The following GPR155 variants were observed in gnomAD, a reference collection of about 807,000 sequenced individuals.
GPR155 encodes G protein-coupled receptor 155.
In GPR155, 65 loss-of-function variants were observed where a neutral mutation model predicts 93.1. That is an observed-to-expected ratio of 0.70 (90% CI 0.57 to 0.86). The LOEUF is 0.86. GPR155 is among the 40% of genes least tolerant of loss of function. The pLI is 0.00. For missense variants in GPR155, 838 were observed against 1,034.8 expected (o/e 0.81, Z 2.61); for synonymous variants, 319 against 360.1 (o/e 0.89, Z 1.29).
Position 174,466,552 on chromosome 2 carries a change from T to C in GPR155, c.1258A>G (p.Ile420Val). ...TCAGTAGTTTTACTAACCTGAGCAA[T>C]GAGTAAATTAGTTGTAAGCATATGA... Reference protein sequence around the residue: ...LPHMLTTNLLIAQSIVCAGMM... With the variant: ...LPHMLTTNLLVAQSIVCAGMM... Residue 420 changes from isoleucine (I) to valine (V), a missense_variant, in exon 6 of 16, where the codon ATT (isoleucine) becomes GTT (valine). Around this residue, in one of 3 missense-constraint regions of GPR155, gnomAD observed 663 missense variants for 790.1 expected, o/e 0.84. Coordinates refer to ENST00000392552, the MANE Select transcript of GPR155 (RefSeq NM_152529.7). 6.6e-7 allele frequency: 1 copy of C among 1,507,636 alleles called. No individual in the cohort carries two copies. The allele number at this position is 1,507,636 out of a possible 1,614,324, so 93.4% of individuals were successfully genotyped here. A position where few individuals can be genotyped will look rare whatever the true frequency, so the allele number is the denominator to read the frequency against.
At chr2:174,465,360 A>G (rs917843092) in intron 7 of GPR155, among the ~76,000 whole-genome samples, 1 of 152,232 alleles carries the variant, frequency 6.6e-6, no homozygotes, top group African/African-American at 2.4e-5. Flanking sequence ...CAAATGAGGA[A>G]ACTGAGGCTT....
At chr2:174,449,214 A>T (rs1211213416) in intron 11 of GPR155, among the ~76,000 whole-genome samples, 6 of 152,222 alleles carry the variant, frequency 3.9e-5, no homozygotes, top group African/African-American at 1.4e-4. Flanking sequence ...GCTATTATTA[A>T]AAAATCAATA....
intron 13 of GPR155, among the ~76,000 whole-genome samples, 166 bp downstream of exon 13, chr2:174,444,915 G>T (rs1215204023): frequency 6.6e-6 from 1 of 152,132 alleles, no homozygotes; most frequent in Non-Finnish European, 1.5e-5. Context: ...TAGAAGACAA[G>T]CAGCAGCTGT....
intron 10 of GPR155, among the ~76,000 whole-genome samples, chr2:174,454,658 A>AAGGGAAGGAGGGAAGGAGGGAGGG (rs1687437529): frequency 1.6e-5 from 2 of 126,750 alleles, no homozygotes; most frequent in Non-Finnish European, 3.1e-5. Flanking sequence ...GGGAGGGAAG[A>AAGGGAAGGAGGGAAGGAGGGAGGG]AGGGAAGGAG....
At chr2:174,465,723 G>A in intron 7 of GPR155, 62 bp downstream of exon 7, 1 of 811,310 alleles carries the variant, frequency 1.2e-6, no homozygotes, top group Non-Finnish European at 2.1e-6. Context: ...AGAAGCTCAG[G>A]GCTATTAGGA....
At chr2:174,446,861 A>G (rs1346380883) in intron 11 of GPR155, 114 bp from the exon 12 acceptor site, 2 of 924,096 alleles carry the variant, frequency 2.2e-6, no homozygotes, top group Admixed American at 4.7e-5. Flanking sequence ...GCTAAGAATC[A>G]GTATATTATT....
chr2:174,454,677 G>GA (rs2105696120), intron 10 of GPR155, among the ~76,000 whole-genome samples: 1 of 143,666 alleles, frequency 7.0e-6, no homozygotes, highest in African/African-American at 2.7e-5. Flanking sequence ...AGGGAAGGAG[G>GA]GAGGGAGGGA....
intron 2 of GPR155, among the ~76,000 whole-genome samples, chr2:174,479,150 T>G (rs1457570941): frequency 1.3e-5 from 2 of 152,166 alleles, no homozygotes; most frequent in Admixed American, 1.3e-4. Context: ...GCTAGAAACA[T>G]AATTATTACC....
intron 15 of GPR155, among the ~76,000 whole-genome samples, chr2:174,437,677 T>C (rs560993483): frequency 5.3e-5 from 8 of 150,140 alleles, no homozygotes; most frequent in Non-Finnish European, 1.2e-4. Context: ...CTCCGTCTCC[T>C]GGGTTCAAGT....
chr2:174,455,965 C>A (rs183368415), intron 10 of GPR155, among the ~76,000 whole-genome samples: 1 of 151,844 alleles, frequency 6.6e-6, no homozygotes, highest in South Asian at 2.1e-4. Context: ...CTCAGCCTCC[C>A]GAGTAGCTGG....
intron 10 of GPR155, 37 bp from the exon 11 acceptor site, chr2:174,453,878 AC>A: frequency 7.4e-7 from 1 of 1,350,880 alleles, no homozygotes; most frequent in South Asian, 1.2e-5. Context: ...GTAGAGCCCA[AC>A]CACAACAGAA....
rs190929580 is a variant in GPR155, at chr2:174,438,088, C to T, written c.2313-1672G>A. 3.1e-3 allele frequency among the ~76,000 whole-genome samples: 474 copies of T among 151,858 alleles called. 2 individuals are homozygous for T. The highest frequency in any genetic ancestry group is 0.011 in the African/African-American group (436 of 41,428). On this transcript the variant is annotated intron_variant, in intron 15 of 15. Transcript: ENST00000392552. ...TGGCCAACATGGCAAAACTCCATCT[C>T]TACTAAAAAAATACAAAAAATTAGC...
intron 10 of GPR155, among the ~76,000 whole-genome samples, chr2:174,456,335 C>T (rs1269602394): frequency 1.3e-5 from 2 of 150,164 alleles, no homozygotes; most frequent in East Asian, 1.9e-4. Context: ...GACAGTGTCT[C>T]GCTCCGTTTC....
At chr2:174,481,197 T>G (rs1688309223) in intron 2 of GPR155, among the ~76,000 whole-genome samples, 1 of 152,200 alleles carries the variant, frequency 6.6e-6, no homozygotes, top group South Asian at 2.1e-4. Flanking sequence ...TTAACATAAT[T>G]TAAATCACAA....
At chr2:174,472,773 A>T (rs1159759794) in intron 3 of GPR155, among the ~76,000 whole-genome samples, 192 bp downstream of exon 3, 1 of 152,226 alleles carries the variant, frequency 6.6e-6, no homozygotes, top group African/African-American at 2.4e-5. Flanking sequence ...TAAGATGGAA[A>T]GAATAAGCTA....
chr2:174,480,821 G>A (rs1271724804), intron 2 of GPR155, among the ~76,000 whole-genome samples: 2 of 152,032 alleles, frequency 1.3e-5, no homozygotes, highest in Non-Finnish European at 2.9e-5. Context: ...CCAGGCTGGA[G>A]TACAGTGGTA....
chr2:174,466,526 A>G lies in GPR155; in HGVS notation c.1266+18T>C, dbSNP rs761628950. The G allele has an allele frequency of 1.6e-6, 2 of 1,246,520 alleles. No individual in the cohort carries two copies. The highest frequency in any genetic ancestry group is 2.5e-5 in the South Asian group (2 of 79,584). The allele number at this position is 1,246,520 out of a possible 1,614,324, so 77.2% of individuals were successfully genotyped here. Reference sequence around the variant, plus strand: ...CCATTAGAAAAACATAGTTCTAAATATCAGTAGTTTTACTAACCTGAGCAA... The same window carrying G: ...CCATTAGAAAAACATAGTTCTAAATGTCAGTAGTTTTACTAACCTGAGCAA... On this transcript the variant is annotated intron_variant, in intron 6 of 15. Coordinates refer to ENST00000392552, the MANE Select transcript of GPR155 (RefSeq NM_152529.7).
At chr2:174,452,875 C>T (rs1687362116) in intron 11 of GPR155, among the ~76,000 whole-genome samples, 1 of 152,204 alleles carries the variant, frequency 6.6e-6, no homozygotes, top group Non-Finnish European at 1.5e-5. Context: ...TGGTCTCGAA[C>T]TCCTGACCTT....
intron 7 of GPR155, among the ~76,000 whole-genome samples, chr2:174,465,246 A>T (rs927320909): frequency 6.6e-6 from 1 of 152,140 alleles, no homozygotes; most frequent in African/African-American, 2.4e-5. Flanking sequence ...TTTAATAACT[A>T]ACATAGTTCT....
Sources: allele counts gnomAD v4.1 joint callset (sites outside exome capture counted in the v4.1 genomes callset), GRCh38; gene constraint gnomAD v4.1.1; regional missense constraint gnomAD v4.1.1; transcripts MANE v1.5; gene names NCBI Gene and HGNC (gene_info 2026-07-23, HGNC 2026-07-21).